Variants in SPATA17 observed in about 807,000 individuals in gnomAD.
The protein encoded by SPATA17 is spermatogenesis associated 17.
In SPATA17, 53 loss-of-function variants were observed where a neutral mutation model predicts 62.2. That is an observed-to-expected ratio of 0.85 (90% CI 0.68 to 1.07). The LOEUF (loss-of-function observed/expected upper bound fraction) is 1.07, where lower values mean the gene tolerates loss of function less well. SPATA17 is among the 50% of genes least tolerant of loss of function. The pLI, the probability that SPATA17 is intolerant of heterozygous loss-of-function variation, is 0.00. For missense variants in SPATA17, 466 were observed against 425.5 expected, an observed-to-expected ratio of 1.10 and a Z score of -0.84; for synonymous variants, 146 against 146.8, an observed-to-expected ratio of 0.99 and a Z score of 0.04.
intron 9 of SPATA17, among the ~76,000 whole-genome samples, chr1:217,806,714 A>G (rs1448097636): frequency 6.6e-6 from 1 of 152,110 alleles, no homozygotes; most frequent in East Asian, 1.9e-4. Context: ...TATTGTTTCT[A>G]CCATGTTATG....
intron 6 of SPATA17, among the ~76,000 whole-genome samples, chr1:217,769,235 A>G (rs1673379419): frequency 6.6e-6 from 1 of 152,228 alleles, no homozygotes; most frequent in South Asian, 2.1e-4. Flanking sequence ...TACCTTTCGT[A>G]TATGAAATAC....
chr1:217,728,655 G>A (rs1672327234), intron 5 of SPATA17, among the ~76,000 whole-genome samples: 2 of 151,822 alleles, frequency 1.3e-5, no homozygotes, highest in African/African-American at 4.8e-5. Flanking sequence ...TTTTTGATAT[G>A]CGAAAGATAT....
At chr1:217,849,923 C>A (rs945400242) in intron 9 of SPATA17, among the ~76,000 whole-genome samples, 1 of 152,124 alleles carries the variant, frequency 6.6e-6, no homozygotes, top group African/African-American at 2.4e-5. Context: ...TCACTGGTGT[C>A]CCCCTCTGAA....
intron 5 of SPATA17, among the ~76,000 whole-genome samples, chr1:217,714,818 A>C (rs1671965452): frequency 6.6e-6 from 1 of 152,182 alleles, no homozygotes; most frequent in Admixed American, 6.5e-5. Context: ...GAGCTATTCA[A>C]TAATAGTCTG....
intron 9 of SPATA17, among the ~76,000 whole-genome samples, chr1:217,836,312 A>C (rs1466664169): frequency 6.6e-6 from 1 of 152,138 alleles, no homozygotes; most frequent in Non-Finnish European, 1.5e-5. Context: ...TTTTTCTTCC[A>C]TCTGAAGTTA....
Position 217,843,532 on chromosome 1 carries a change from T to C in SPATA17, c.1006-19242T>C, listed in dbSNP as rs112000970. ...AAGAAGGACATGGACAGTACATTTTTTGAGGCCTTGAATGTCTATGGCAGA... is the reference window on the plus strand; with the variant it reads ...AAGAAGGACATGGACAGTACATTTTCTGAGGCCTTGAATGTCTATGGCAGA... On this transcript the variant is annotated intron_variant, in intron 9 of 10. Coordinates refer to ENST00000366933, the MANE Select transcript of SPATA17 (RefSeq NM_138796.4). Among the ~76,000 whole-genome samples, 48 of 152,244 alleles carry C rather than the reference T, an allele frequency of 3.2e-4. 2 individuals are homozygous for C. Among genetic ancestry groups the C allele is most frequent in the African/African-American group, 1.1e-3 (47 of 41,574 alleles).
Position 217,870,257 on chromosome 1 carries a change from C to G in SPATA17, c.*3238C>G, listed in dbSNP as rs1360463112. 1.3e-5 allele frequency: 2 copies of G among 152,030 alleles called. No homozygotes were observed. The highest frequency in any genetic ancestry group is 4.8e-5 in the African/African-American group (2 of 41,404). 9.4% of individuals were successfully genotyped at this position (152,030 alleles called of 1,614,324 possible). A position where few individuals can be genotyped will look rare whatever the true frequency, so the allele number is the denominator to read the frequency against. ...TGGTACTCAGATAAAAACTTTGAAG[C>G]ATTTTATTGTTCAGAATATGACTTT... On this transcript the variant is annotated 3_prime_UTR_variant, in exon 11 of 11. Transcript: ENST00000366933.
chr1:217,818,148 G>A (rs931527021), intron 9 of SPATA17, among the ~76,000 whole-genome samples: 16 of 151,846 alleles, frequency 1.1e-4, no homozygotes, highest in Admixed American at 1.3e-4. Flanking sequence ...TATTCTTACA[G>A]TACTATTTCA....
intron 9 of SPATA17, among the ~76,000 whole-genome samples, chr1:217,807,477 T>C (rs1469145638): frequency 3.3e-5 from 5 of 152,154 alleles, no homozygotes; most frequent in African/African-American, 1.2e-4. Context: ...GAGTTTGCTT[T>C]TCTGAAAACA....
intron 9 of SPATA17, among the ~76,000 whole-genome samples, chr1:217,833,335 C>A (rs10495080): frequency 0.032 from 4,914 of 152,276 alleles, 112 homozygotes; most frequent in Middle Eastern, 0.065. Flanking sequence ...AACCAAAGAA[C>A]CATCTCTCTC....
At chr1:217,765,835 T>C (rs904390458) in intron 6 of SPATA17, among the ~76,000 whole-genome samples, 1 of 152,048 alleles carries the variant, frequency 6.6e-6, no homozygotes, top group Non-Finnish European at 1.5e-5. Context: ...ATTTTGATGC[T>C]TTGTTGCTAG....
At chr1:217,705,352 T>C (rs1671708630) in intron 5 of SPATA17, among the ~76,000 whole-genome samples, 2 of 140,330 alleles carry the variant, frequency 1.4e-5, no homozygotes, top group African/African-American at 5.0e-5. Flanking sequence ...ATTCTGTAGG[T>C]TGTCTCTTTA....
At chr1:217,832,957 A>G (rs976029517) in intron 9 of SPATA17, among the ~76,000 whole-genome samples, 3 of 152,082 alleles carry the variant, frequency 2.0e-5, no homozygotes, top group Admixed American at 2.0e-4. Context: ...GAAAAAAAAA[A>G]AAGTTTACTT....
At chr1:217,699,175 C>T (rs2102917879) in intron 5 of SPATA17, among the ~76,000 whole-genome samples, 1 of 152,226 alleles carries the variant, frequency 6.6e-6, no homozygotes. Flanking sequence ...CATTTGTGTA[C>T]AGATTTTATG....
intron 4 of SPATA17, among the ~76,000 whole-genome samples, chr1:217,677,256 ATTTTCTT>A (rs1480302285): frequency 6.6e-6 from 1 of 151,936 alleles, no homozygotes; most frequent in Non-Finnish European, 1.5e-5. Context: ...TCAAGTAACC[ATTTTCTT>A]TTGTTTCCCA....
chr1:217,747,947 A>T (rs1387081723), intron 6 of SPATA17, among the ~76,000 whole-genome samples: 2 of 152,208 alleles, frequency 1.3e-5, no homozygotes, highest in African/African-American at 4.8e-5. Context: ...AAATGGTTTC[A>T]GCTACTTCTT....
intron 4 of SPATA17, among the ~76,000 whole-genome samples, chr1:217,674,498 G>C (rs1301791109): frequency 6.6e-6 from 1 of 152,172 alleles, no homozygotes; most frequent in Non-Finnish European, 1.5e-5. Context: ...TGGCAGGAGA[G>C]TGTGTGTGAG....
At chr1:217,701,174 C>T (rs1671587498) in intron 5 of SPATA17, among the ~76,000 whole-genome samples, 1 of 151,512 alleles carries the variant, frequency 6.6e-6, no homozygotes, top group African/African-American at 2.4e-5. Context: ...GGGGTTTCAC[C>T]ATGTTGGCCA....
intron 5 of SPATA17, among the ~76,000 whole-genome samples, chr1:217,714,764 C>A (rs1455560256): frequency 1.3e-5 from 2 of 151,906 alleles, no homozygotes. Flanking sequence ...GGATTACAGG[C>A]GTGAGCCACC....
Sources: allele counts gnomAD v4.1 joint callset (sites outside exome capture counted in the v4.1 genomes callset), GRCh38; gene constraint gnomAD v4.1.1; transcripts MANE v1.5; gene names NCBI Gene and HGNC (gene_info 2026-07-23, HGNC 2026-07-21).